Variants in MAF observed in about 807,000 individuals in gnomAD.
MAF encodes MAF bZIP transcription factor, also known as transcription factor Maf.
A neutral mutation model predicts 22.0 loss-of-function variants in MAF; 10 were observed. The observed-to-expected ratio is 0.45, with a 90% CI of 0.28 to 0.77. MAF has a LOEUF of 0.77. Ranked by LOEUF, MAF falls within the 30% of genes least tolerant of loss-of-function variation. MAF has a pLI of 0.12. For synonymous variants in MAF, 337 were observed against 255.8 expected (o/e 1.32, Z -3.03); for missense variants, 544 against 548.4 (o/e 0.99, Z 0.08).
chr16:79,352,349 T>C, the MAF span, among the ~76,000 whole-genome samples: 1 of 152,076 alleles, frequency 6.6e-6, no homozygotes, highest in Non-Finnish European at 1.5e-5. Context: ...GGCACTTGGG[T>C]CTCCATGTTG....
the MAF span, among the ~76,000 whole-genome samples, chr16:79,493,632 C>G: frequency 2.0e-5 from 3 of 152,186 alleles, no homozygotes; most frequent in Admixed American, 2.0e-4. Context: ...TGGAAGTTTT[C>G]ACAAAATGAA....
the MAF span, among the ~76,000 whole-genome samples, chr16:79,468,145 C>T: frequency 2.0e-5 from 3 of 152,100 alleles, no homozygotes; most frequent in East Asian, 5.8e-4. Context: ...TGAATTTATT[C>T]TCCGCCATTT....
the MAF span, among the ~76,000 whole-genome samples, chr16:79,569,149 C>G: frequency 6.6e-6 from 1 of 152,200 alleles, no homozygotes; most frequent in Non-Finnish European, 1.5e-5. Flanking sequence ...AGAGTTTAAA[C>G]CAGAGTTTCT....
the MAF span, among the ~76,000 whole-genome samples, chr16:79,437,632 G>C: frequency 6.6e-6 from 1 of 152,088 alleles, no homozygotes; most frequent in African/African-American, 2.4e-5. Flanking sequence ...ACACCTCCGA[G>C]AGCTCATGCC....
the MAF span, among the ~76,000 whole-genome samples, chr16:79,213,827 C>T: frequency 1.3e-5 from 2 of 152,204 alleles, no homozygotes; most frequent in Non-Finnish European, 2.9e-5. Context: ...CACTAAGTTT[C>T]AGGATTACAT....
At chr16:79,534,699 C>T in the MAF span, among the ~76,000 whole-genome samples, 1 of 151,996 alleles carries the variant, frequency 6.6e-6, no homozygotes, top group Non-Finnish European at 1.5e-5. Flanking sequence ...AACAAATCTG[C>T]ATGTTGTGCA....
the MAF span, among the ~76,000 whole-genome samples, chr16:79,215,554 C>G: frequency 5.9e-5 from 9 of 152,248 alleles, no homozygotes; most frequent in East Asian, 3.9e-4. Context: ...GCTTCCTGGC[C>G]GTGTCTAGGG....
At chr16:79,574,721 C>G in the MAF span, among the ~76,000 whole-genome samples, 13,062 of 152,204 alleles carry the variant, frequency 0.086, 650 homozygotes, top group Non-Finnish European at 0.12. Flanking sequence ...CTTCTAGACA[C>G]CAACTTCAAC....
chr16:79,543,456 C>G, the MAF span, among the ~76,000 whole-genome samples: 1 of 152,188 alleles, frequency 6.6e-6, no homozygotes, highest in African/African-American at 2.4e-5. Flanking sequence ...TGGTGGACAC[C>G]TAGCGGATGT....
At chr16:79,579,106 A>G in the MAF span, among the ~76,000 whole-genome samples, 1 of 152,194 alleles carries the variant, frequency 6.6e-6, no homozygotes, top group African/African-American at 2.4e-5. Flanking sequence ...AAGAAAAAAA[A>G]AGTCTTCCAA....
At chr16:79,565,760 T>C in the MAF span, among the ~76,000 whole-genome samples, 4 of 152,238 alleles carry the variant, frequency 2.6e-5, no homozygotes, top group African/African-American at 9.6e-5. Flanking sequence ...GTCCCAGGTA[T>C]GTGTTTATTA....
the MAF span, among the ~76,000 whole-genome samples, chr16:79,565,472 C>T: frequency 8.9e-4 from 135 of 151,898 alleles, 1 homozygote; most frequent in Non-Finnish European, 1.6e-3. Flanking sequence ...CAAATCTCAC[C>T]TTGAACTGTA....
chr16:79,451,897 C>A, the MAF span, among the ~76,000 whole-genome samples: 4 of 152,290 alleles, frequency 2.6e-5, no homozygotes, highest in African/African-American at 9.6e-5. Context: ...CTAGGTAGAG[C>A]AAATTTATAT....
chr16:79,205,026 C>G, the MAF span: 2 of 152,168 alleles, frequency 1.3e-5, no homozygotes, highest in Non-Finnish European at 2.9e-5. Flanking sequence ...TCCTTCTAGC[C>G]AGACTCGGAT....
At chr16:79,211,643 T>A in the MAF span, 3 of 1,614,116 alleles carry the variant, frequency 1.9e-6, no homozygotes, top group Non-Finnish European at 2.5e-6. Context: ...ACTGTGCTGC[T>A]GTCCCAGAAC....
At chr16:79,438,346 G>A in the MAF span, among the ~76,000 whole-genome samples, 1 of 152,224 alleles carries the variant, frequency 6.6e-6, no homozygotes, top group African/African-American at 2.4e-5. Context: ...TACACGGGCG[G>A]ATTAGGTGGC....
At chr16:79,518,230 C>T in the MAF span, among the ~76,000 whole-genome samples, 2 of 152,296 alleles carry the variant, frequency 1.3e-5, no homozygotes, top group South Asian at 2.1e-4. Context: ...TGAGGTTTCA[C>T]CCAAGGAACA....
the MAF span, among the ~76,000 whole-genome samples, chr16:79,517,752 T>C: frequency 1.3e-5 from 2 of 152,118 alleles, no homozygotes; most frequent in African/African-American, 4.8e-5. Context: ...TTTTTGTATT[T>C]TTAGTAGAGA....
At chr16:79,348,415 C>T in the MAF span, among the ~76,000 whole-genome samples, 1 of 152,146 alleles carries the variant, frequency 6.6e-6, no homozygotes, top group South Asian at 2.1e-4. Context: ...AGTTTTAATC[C>T]TTCAGAAACA....
Sources: gnomAD v4.1 joint callset for allele counts (sites outside exome capture counted in the v4.1 genomes callset) on GRCh38, gnomAD v4.1.1 for gene constraint, MANE v1.5 for transcripts, NCBI Gene and HGNC (gene_info 2026-07-23, HGNC 2026-07-21) for gene names.